SSBP2: variants seen among roughly 807,000 people sequenced by gnomAD.
SSBP2 encodes the protein single-stranded DNA-binding protein 2.
SSBP2 carries 17 observed loss-of-function variants against 61.8 expected under a neutral mutation model. That is an observed-to-expected ratio of 0.28 (90% CI 0.19 to 0.41). SSBP2 has a LOEUF of 0.41. SSBP2 is among the 10% of genes least tolerant of loss of function. The pLI is 1.00. For synonymous variants in SSBP2, 139 were observed against 141.3 expected (o/e 0.98, Z 0.12); for missense variants, 310 against 458.7 (o/e 0.68, Z 2.96).
intron 16 of SSBP2, among the ~76,000 whole-genome samples, chr5:81,420,815 C>T (rs551884896): frequency 1.3e-5 from 2 of 152,304 alleles, no homozygotes; most frequent in East Asian, 3.9e-4. Context: ...TCCCTCCATC[C>T]AGACAGATTT....
Position 81,466,683 on chromosome 5 carries a change from T to C in SSBP2, c.638+291A>G, listed in dbSNP as rs1764914423. ...AGACTCTGTAGTTATCAAAATGAAATAGACTAAAAGCTGTTATTTATAGCA... is the reference window on the plus strand; with the variant it reads ...AGACTCTGTAGTTATCAAAATGAAACAGACTAAAAGCTGTTATTTATAGCA... On this transcript the variant is annotated intron_variant, in intron 9 of 16. Coordinates refer to ENST00000320672, the MANE Select transcript of SSBP2 (RefSeq NM_012446.5). Among the ~76,000 whole-genome samples the C allele has an allele frequency of 2.0e-5, 3 of 151,954 alleles. No homozygotes were observed. In the East Asian group the frequency reaches 5.8e-4, roughly 29 times the overall value.
At chr5:81,605,575 A>G (rs1744800016) in intron 4 of SSBP2, among the ~76,000 whole-genome samples, 2 of 152,152 alleles carry the variant, frequency 1.3e-5, no homozygotes, top group Non-Finnish European at 2.9e-5. Context: ...TACTATATAC[A>G]ATTATCACTT....
intron 6 of SSBP2, among the ~76,000 whole-genome samples, chr5:81,486,519 T>C (rs969758947): frequency 1.3e-5 from 2 of 152,182 alleles, no homozygotes; most frequent in African/African-American, 2.4e-5. Context: ...ATTTCCCTAA[T>C]TCAGATATTT....
chr5:81,598,795 C>T (rs1418217602), intron 4 of SSBP2, among the ~76,000 whole-genome samples: 1 of 152,182 alleles, frequency 6.6e-6, no homozygotes, highest in Non-Finnish European at 1.5e-5. Flanking sequence ...CTCCCTCATA[C>T]CTTTTGTTCT....
intron 4 of SSBP2, among the ~76,000 whole-genome samples, chr5:81,585,609 A>C (rs944408943): frequency 6.6e-6 from 1 of 152,122 alleles, no homozygotes; most frequent in African/African-American, 2.4e-5. Context: ...ACACTATGGA[A>C]TGGCTGAATC....
At chr5:81,543,941 AAT>A (rs1426384734) in intron 4 of SSBP2, among the ~76,000 whole-genome samples, 1 of 152,192 alleles carries the variant, frequency 6.6e-6, no homozygotes, top group Admixed American at 6.5e-5. Flanking sequence ...TGAAATAAAC[AAT>A]ATATAATTAT....
At chr5:81,672,109 A>G (rs1338370793) in intron 1 of SSBP2, among the ~76,000 whole-genome samples, 2 of 152,158 alleles carry the variant, frequency 1.3e-5, no homozygotes, top group African/African-American at 4.8e-5. Flanking sequence ...CAAAACAGTA[A>G]TAGCAACTTA....
chr5:81,657,756 T>A (rs1380895961), intron 1 of SSBP2, among the ~76,000 whole-genome samples: 2 of 152,230 alleles, frequency 1.3e-5, no homozygotes, highest in Admixed American at 6.5e-5. Context: ...GGTATTCAGC[T>A]ATATAAAAAT....
At chr5:81,705,477 C>T (rs1028603555) in intron 1 of SSBP2, among the ~76,000 whole-genome samples, 1 of 151,958 alleles carries the variant, frequency 6.6e-6, no homozygotes, top group Non-Finnish European at 1.5e-5. Flanking sequence ...CCAGAAACAA[C>T]TCAAAGAAAA....
At chr5:81,747,920 C>T (rs1757459500) in intron 1 of SSBP2, among the ~76,000 whole-genome samples, 1 of 152,144 alleles carries the variant, frequency 6.6e-6, no homozygotes, top group African/African-American at 2.4e-5. Flanking sequence ...TTCAATCACT[C>T]CCTCTATAAT....
At position 81,679,481 on chromosome 5, in the gene SSBP2, A is replaced by T. The variant is rs182368175; in HGVS notation, c.63-29142T>A. On this transcript the variant is annotated intron_variant, in intron 1 of 16. Transcript: ENST00000320672. ...TAGTAATATTTTGCTATAATAGGGTACTTACACTAACCATATAGTGGTATA... is the reference window on the plus strand; with the variant it reads ...TAGTAATATTTTGCTATAATAGGGTTCTTACACTAACCATATAGTGGTATA... 2.0e-3 allele frequency among the ~76,000 whole-genome samples: 311 copies of T among 152,362 alleles called. 2 individuals are homozygous for T. The highest frequency in any genetic ancestry group is 3.6e-3 in the Non-Finnish European group (243 of 68,032).
At chr5:81,749,293 G>T (rs1196447404) in intron 1 of SSBP2, among the ~76,000 whole-genome samples, 1 of 151,488 alleles carries the variant, frequency 6.6e-6, no homozygotes, top group Non-Finnish European at 1.5e-5. Flanking sequence ...AAACAAAAAA[G>T]CCTCTCTAAT....
rs1763109391 is a variant in SSBP2, at chr5:81,442,662, G to A, written c.840C>T (p.Asn280=). ...AAAAGTTCATATTTACATTAGGTCTGTTAGGTCCAGGAGGTACTGCATTCA... is the reference window on the plus strand; with the variant it reads ...AAAAGTTCATATTTACATTAGGTCTATTAGGTCCAGGAGGTACTGCATTCA... Residue 280 remains asparagine (N), a synonymous_variant, in exon 13 of 17, where the codon AAC becomes AAT. Coordinates refer to ENST00000320672, the MANE Select transcript of SSBP2 (RefSeq NM_012446.5). 6.4e-7 allele frequency: 1 copy of A among 1,570,048 alleles called. No homozygotes were observed. The highest frequency in any genetic ancestry group is 1.2e-5 in the South Asian group (1 of 84,792).
chr5:81,543,410 C>A (rs932063707), intron 4 of SSBP2, among the ~76,000 whole-genome samples: 2 of 152,058 alleles, frequency 1.3e-5, no homozygotes, highest in African/African-American at 4.8e-5. Context: ...GAACAGAAAA[C>A]CAAATATCAC....
In SSBP2 at chr5:81,747,056, G is replaced by A. The variant is rs146111308; in HGVS notation, c.62+3925C>T. On this transcript the variant is annotated intron_variant, in intron 1 of 16. Transcript: ENST00000320672. ...GGGGAATCTGAAGAAACAAGTTTTC[G>A]TCATTATGTTAGGCTTCCAACTTTC... Among the ~76,000 whole-genome samples, 967 of 141,662 alleles carry A rather than the reference G, an allele frequency of 6.8e-3. 10 individuals carry two copies. The highest frequency in any genetic ancestry group is 0.045 in the East Asian group (221 of 4,906). The allele number at this position is 141,662 out of a possible 152,430, so 92.9% of individuals were successfully genotyped here.
chr5:81,502,579 C>A (rs1767882448), intron 5 of SSBP2, among the ~76,000 whole-genome samples: 1 of 152,172 alleles, frequency 6.6e-6, no homozygotes, highest in African/African-American at 2.4e-5. Flanking sequence ...ACATCTTGTT[C>A]CCTACTCAAA....
At chr5:81,710,603 C>A in intron 1 of SSBP2, 1 of 432,004 alleles carries the variant, frequency 2.3e-6, no homozygotes, top group South Asian at 1.7e-5. Flanking sequence ...CTGAAAACAA[C>A]TTATTCTTAA....
chr5:81,716,234 G>A (rs1755163978), intron 1 of SSBP2, among the ~76,000 whole-genome samples: 1 of 152,126 alleles, frequency 6.6e-6, no homozygotes, highest in African/African-American at 2.4e-5. Flanking sequence ...AATAGTTGAA[G>A]TTGTTTGTCT....
chr5:81,566,738 C>G (rs1773451498), intron 4 of SSBP2, among the ~76,000 whole-genome samples: 1 of 152,158 alleles, frequency 6.6e-6, no homozygotes, highest in Admixed American at 6.5e-5. Flanking sequence ...TAGAGACTTG[C>G]TGAATAGGTT....
Sources: gnomAD v4.1 joint callset for allele counts (sites outside exome capture counted in the v4.1 genomes callset) on GRCh38, gnomAD v4.1.1 for gene constraint, MANE v1.5 for transcripts, NCBI Gene and HGNC (gene_info 2026-07-23, HGNC 2026-07-21) for gene names.